Variants in HHAT observed in about 807,000 individuals in gnomAD.
HHAT encodes hedgehog acyltransferase.
Under a neutral mutation model 70.8 loss-of-function variants are expected in HHAT, and 47 were observed. The observed-to-expected ratio is 0.66, with a 90% confidence interval of 0.53 to 0.85. The LOEUF (loss-of-function observed/expected upper bound fraction) is 0.85. Among genes scored for constraint, HHAT ranks in the 40% least tolerant of loss-of-function variants. HHAT has a pLI of 0.00. For missense variants in HHAT, 609 were observed against 604.8 expected (o/e 1.01, Z -0.07); for synonymous variants, 228 against 247.6 (o/e 0.92, Z 0.74).
chr1:210,665,017 C>G (rs1678595165), intron 11 of HHAT, among the ~76,000 whole-genome samples: 1 of 152,196 alleles, frequency 6.6e-6, no homozygotes, highest in African/African-American at 2.4e-5. Context: ...CATTCTACTT[C>G]CCCATTGGAT....
chr1:210,657,191 C>T (rs1232749894), intron 11 of HHAT, among the ~76,000 whole-genome samples: 1 of 152,230 alleles, frequency 6.6e-6, no homozygotes, highest in Non-Finnish European at 1.5e-5. Context: ...CCACCTACTG[C>T]ACCACAGGCA....
chr1:210,502,066 A>T (rs1179354627), intron 8 of HHAT, among the ~76,000 whole-genome samples: 1 of 147,754 alleles, frequency 6.8e-6, no homozygotes, highest in Non-Finnish European at 1.5e-5. Flanking sequence ...TATTTTGCTT[A>T]TCAGCGGTTC....
chr1:210,631,281 G>T, intron 11 of HHAT: 1 of 364,818 alleles, frequency 2.7e-6, no homozygotes, highest in East Asian at 7.4e-5. Flanking sequence ...ACCATCCCTG[G>T]GTGTCACTAT....
intron 7 of HHAT, among the ~76,000 whole-genome samples, chr1:210,434,331 A>T (rs1260642278): frequency 6.6e-6 from 1 of 151,892 alleles, no homozygotes; most frequent in East Asian, 1.9e-4. Context: ...AACTAAAAGC[A>T]ATCAGAAACT....
At chr1:210,543,409 T>C (rs1236495344) in intron 9 of HHAT, among the ~76,000 whole-genome samples, 3 of 151,534 alleles carry the variant, frequency 2.0e-5, no homozygotes, top group Non-Finnish European at 2.9e-5. Context: ...ATAATCTCTC[T>C]TCACTCTTTA....
At chr1:210,353,454 T>A (rs201594379) in intron 2 of HHAT, among the ~76,000 whole-genome samples, 2,059 of 54,144 alleles carry the variant, frequency 0.038, 42 homozygotes, top group African/African-American at 0.099. Flanking sequence ...TTTTTTTTTT[T>A]AAAAAAAAGC....
At chr1:210,387,188 C>T (rs2091139390) in intron 3 of HHAT, among the ~76,000 whole-genome samples, 1 of 152,102 alleles carries the variant, frequency 6.6e-6, no homozygotes, top group African/African-American at 2.4e-5. Context: ...TCAGCTGTAA[C>T]AAAGACACTG....
At chr1:210,660,570 A>C (rs185514220) in intron 11 of HHAT, among the ~76,000 whole-genome samples, 16 of 152,312 alleles carry the variant, frequency 1.1e-4, no homozygotes, top group Admixed American at 6.5e-4. Context: ...ACTACTTTAA[A>C]GTTCATATGG....
chr1:210,333,750 C>T (rs1558298235), intron 1 of HHAT, among the ~76,000 whole-genome samples: 2 of 151,952 alleles, frequency 1.3e-5, no homozygotes, highest in Admixed American at 6.6e-5. Flanking sequence ...CTTCGCCTCC[C>T]GAGTTCAAGC....
intron 10 of HHAT, among the ~76,000 whole-genome samples, chr1:210,596,522 G>A (rs4845063): frequency 0.96 from 146,517 of 151,970 alleles, 70,847 homozygotes; most frequent in East Asian, 1. Flanking sequence ...CTTATATTCT[G>A]TCTCTTCTGA....
intron 6 of HHAT, among the ~76,000 whole-genome samples, 177 bp from the exon 7 acceptor site, chr1:210,417,977 A>C (rs1312323785): frequency 6.6e-6 from 1 of 152,188 alleles, no homozygotes; most frequent in Non-Finnish European, 1.5e-5. Flanking sequence ...ACAAATGTTC[A>C]AGCTGAAATA....
At chr1:210,531,260 A>C (rs2095311949) in intron 9 of HHAT, among the ~76,000 whole-genome samples, 1 of 150,970 alleles carries the variant, frequency 6.6e-6, no homozygotes, top group South Asian at 2.1e-4. Flanking sequence ...CTGAATCATT[A>C]TGTAATGCAT....
chr1:210,600,665 G>T (rs1664063545), intron 10 of HHAT, among the ~76,000 whole-genome samples: 2 of 152,106 alleles, frequency 1.3e-5, no homozygotes, highest in Admixed American at 1.3e-4. Context: ...GTTACTGCTG[G>T]AGCACTGTGC....
intron 8 of HHAT, among the ~76,000 whole-genome samples, chr1:210,473,894 C>T (rs1221721092): frequency 6.6e-6 from 1 of 152,198 alleles, no homozygotes; most frequent in East Asian, 1.9e-4. Flanking sequence ...TCAGCAAAGT[C>T]GTGTTGCTTT....
At chr1:210,418,730 A>G (rs915663246) in intron 7 of HHAT, among the ~76,000 whole-genome samples, 1 of 152,122 alleles carries the variant, frequency 6.6e-6, no homozygotes, top group African/African-American at 2.4e-5. Context: ...TTCTTTGTGC[A>G]TAAGGTATTA....
At chr1:210,516,308 G>C (rs1481649974) in intron 9 of HHAT, among the ~76,000 whole-genome samples, 5 of 152,086 alleles carry the variant, frequency 3.3e-5, no homozygotes, top group Non-Finnish European at 5.9e-5. Context: ...GGTGGAGAGG[G>C]CGGGTGGAGT....
chr1:210,422,715 G>A (rs2092942377), intron 7 of HHAT, among the ~76,000 whole-genome samples: 1 of 151,944 alleles, frequency 6.6e-6, no homozygotes, highest in African/African-American at 2.4e-5. Flanking sequence ...TCGGCTTACT[G>A]CAACCTCTGC....
At chr1:210,623,019 C>G (rs1669154596) in intron 10 of HHAT, among the ~76,000 whole-genome samples, 1 of 152,188 alleles carries the variant, frequency 6.6e-6, no homozygotes, top group South Asian at 2.1e-4. Flanking sequence ...AAAGAAACAA[C>G]TTGGGGTATG....
intron 6 of HHAT, among the ~76,000 whole-genome samples, chr1:210,411,196 C>A (rs568249905): frequency 1.3e-5 from 2 of 152,256 alleles, no homozygotes; most frequent in East Asian, 3.9e-4. Flanking sequence ...GTTCTGGCCT[C>A]CTCCTGGCTC....
Sources: allele counts gnomAD v4.1 joint callset (sites outside exome capture counted in the v4.1 genomes callset), GRCh38; gene constraint gnomAD v4.1.1; transcripts MANE v1.5; gene names NCBI Gene and HGNC (gene_info 2026-07-23, HGNC 2026-07-21).